ZDHHC11B: variants seen among roughly 807,000 people sequenced by gnomAD.
ZDHHC11B encodes the protein zDHHC palmitoyltransferase 11B (putative), also known as probable palmitoyltransferase ZDHHC11B.
In ZDHHC11B, 17 loss-of-function variants were observed where a neutral mutation model predicts 42.3. That is an observed-to-expected ratio of 0.40 (90% confidence interval 0.27 to 0.60). The LOEUF is 0.60. ZDHHC11B is among the 20% of genes least tolerant of loss of function. ZDHHC11B has a pLI of 0.41. For synonymous variants in ZDHHC11B, 123 were observed against 193.5 expected (o/e 0.64, Z 3.02); for missense variants, 262 against 463.2 (o/e 0.57, Z 3.99).
At chr5:719,861 AG>A (rs1355820582) in intron 12 of ZDHHC11B, among the ~76,000 whole-genome samples, 1 of 151,838 alleles carries the variant, frequency 6.6e-6, no homozygotes, top group East Asian at 1.9e-4. Context: ...ATAATTCACA[AG>A]TTTTAAATTG....
At chr5:757,700 C>A (rs1197032972) in intron 4 of ZDHHC11B, among the ~76,000 whole-genome samples, 2 of 151,940 alleles carry the variant, frequency 1.3e-5, no homozygotes, top group African/African-American at 4.8e-5. Context: ...GGCCCCGGGC[C>A]CTGGGTGCCG....
intron 13 of ZDHHC11B, among the ~76,000 whole-genome samples, chr5:715,163 T>G (rs413818): frequency 6.7e-6 from 1 of 148,780 alleles, no homozygotes; most frequent in Non-Finnish European, 1.5e-5. Context: ...GTAACACTGA[T>G]AGACTAAGAC....
intron 1 of ZDHHC11B, among the ~76,000 whole-genome samples, chr5:771,247 G>C (rs149960124): frequency 7.9e-5 from 12 of 151,776 alleles, no homozygotes; most frequent in African/African-American, 2.9e-4. Flanking sequence ...TGGGGGTCCT[G>C]AGTGTGGCCC....
At chr5:726,125 C>T (rs1275674114) in intron 12 of ZDHHC11B, among the ~76,000 whole-genome samples, 3 of 150,606 alleles carry the variant, frequency 2.0e-5, no homozygotes, top group Non-Finnish European at 4.4e-5. Context: ...CTAATATCCA[C>T]CACTAGAGAC....
At chr5:765,661 C>G (rs1008477799) in intron 4 of ZDHHC11B, among the ~76,000 whole-genome samples, 5 of 151,882 alleles carry the variant, frequency 3.3e-5, no homozygotes, top group South Asian at 2.1e-4. Flanking sequence ...ATACATCTTG[C>G]TGCTGCTCAC....
At position 718,349 on chromosome 5, in the gene ZDHHC11B, A is replaced by G. The variant is rs561571309; in HGVS notation, c.1059-1484T>C. Among the ~76,000 whole-genome samples, 2 of 151,878 alleles carry G rather than the reference A, an allele frequency of 1.3e-5. 1 individual carries two copies. Among genetic ancestry groups the G allele is most frequent in the African/African-American group, 4.8e-5 (2 of 41,274 alleles). On this transcript the variant is annotated intron_variant, in intron 12 of 13. Transcript: ENST00000508859. ...GAATTATTTGGAAACTCTGAAACCT[A>G]GTCAGACATGTATGGGAGAGTGCTT... is the stretch of plus-strand genomic sequence containing the variant.
chr5:720,699 A>T (rs1742117627), intron 12 of ZDHHC11B, among the ~76,000 whole-genome samples: 2 of 151,822 alleles, frequency 1.3e-5, no homozygotes, highest in South Asian at 4.2e-4. Flanking sequence ...CTAATGCATA[A>T]TACAATAATT....
At chr5:777,890 A>G (rs1174395948) in intron 1 of ZDHHC11B, among the ~76,000 whole-genome samples, 2 of 145,718 alleles carry the variant, frequency 1.4e-5, no homozygotes, top group Non-Finnish European at 3.0e-5. Flanking sequence ...GGGAGGCCCC[A>G]GCACCGAGGG....
chr5:774,876 T>C (rs1226741133), intron 1 of ZDHHC11B, among the ~76,000 whole-genome samples: 2 of 151,996 alleles, frequency 1.3e-5, no homozygotes, highest in African/African-American at 2.4e-5. Context: ...TGCTCCCTTG[T>C]TCACTGCCCA....
intron 4 of ZDHHC11B, among the ~76,000 whole-genome samples, chr5:761,733 C>T (rs1200017484): frequency 2.0e-5 from 3 of 151,990 alleles, no homozygotes; most frequent in African/African-American, 7.2e-5. Flanking sequence ...ACACTCAGGG[C>T]CTCTCAGAAA....
At chr5:742,599 A>G (rs1271570578) in intron 9 of ZDHHC11B, among the ~76,000 whole-genome samples, 1 of 148,932 alleles carries the variant, frequency 6.7e-6, no homozygotes, top group African/African-American at 2.5e-5. Context: ...AGCAGCTTTT[A>G]GCAGTAAAGC....
At chr5:777,493 T>C (rs1402560431) in intron 1 of ZDHHC11B, among the ~76,000 whole-genome samples, 3 of 151,872 alleles carry the variant, frequency 2.0e-5, no homozygotes, top group Non-Finnish European at 2.9e-5. Context: ...CGGCAAGATT[T>C]ATTGCTAAGA....
chr5:777,353 G>C (rs1438827968), intron 1 of ZDHHC11B, among the ~76,000 whole-genome samples: 3 of 151,934 alleles, frequency 2.0e-5, no homozygotes, highest in South Asian at 4.2e-4. Flanking sequence ...GAGACAGCGC[G>C]TCTGGAGCTG....
chr5:752,490 A>AT (rs978254991), intron 6 of ZDHHC11B, among the ~76,000 whole-genome samples: 1 of 83,918 alleles, frequency 1.2e-5, no homozygotes, highest in African/African-American at 3.3e-5. Context: ...CCATGATGAT[A>AT]TTTTTTTTAA....
chr5:766,026 G>C (rs871864), intron 4 of ZDHHC11B, among the ~76,000 whole-genome samples: 1,700 of 151,584 alleles, frequency 0.011, 59 homozygotes, highest in African/African-American at 0.039. Context: ...AGGCCCCTTT[G>C]TCCCCACACA....
At chr5:757,878 C>T (rs1734076193) in intron 4 of ZDHHC11B, among the ~76,000 whole-genome samples, 1 of 151,842 alleles carries the variant, frequency 6.6e-6, no homozygotes, top group Non-Finnish European at 1.5e-5. Context: ...CCCTGGGGGA[C>T]TCACATGGGG....
chr5:746,250 C>T (rs1744798618), intron 8 of ZDHHC11B, among the ~76,000 whole-genome samples: 1 of 146,494 alleles, frequency 6.8e-6, no homozygotes, highest in Non-Finnish European at 1.5e-5. Flanking sequence ...CGGCCGCCCA[C>T]AGAGGCCTAT....
rs1735503797 is a variant in ZDHHC11B, at chr5:766,937, G to A, written c.1-18C>T. ...GTGTCCATCTGCAGGACACAGAAGG[G>A]GAGGACCTGCGCCATCAGCTCCGGG... On this transcript the variant is annotated intron_variant, in intron 3 of 13. Transcript: ENST00000508859. The A allele has an allele frequency of 1.2e-6, 2 of 1,608,562 alleles. No homozygotes were observed. Among genetic ancestry groups the A allele is most frequent in the Non-Finnish European group, 8.5e-7 (1 of 1,176,652 alleles).
rs192273279 is a variant in ZDHHC11B at position 764,428 on chromosome 5, C to A, written c.222+2270G>T. ...GAACCCAGCACTAGTTCGGGGTGGG[C>A]ATGGGCTCAGCGGGCCCTGCACTCA... is the stretch of plus-strand genomic sequence containing the variant. On this transcript the variant is annotated intron_variant, in intron 4 of 13. Transcript: ENST00000508859. 1.6e-3 allele frequency among the ~76,000 whole-genome samples: 237 copies of A among 151,656 alleles called. 2 individuals carry two copies. The highest frequency in any genetic ancestry group is 2.6e-3 in the Non-Finnish European group (179 of 67,686).
Sources: gnomAD v4.1 joint callset for allele counts (sites outside exome capture counted in the v4.1 genomes callset) on GRCh38, gnomAD v4.1.1 for gene constraint, MANE v1.5 for transcripts, NCBI Gene and HGNC (gene_info 2026-07-23, HGNC 2026-07-21) for gene names.